The following CACNA1A variants were observed in gnomAD, a reference collection of about 807,000 sequenced individuals.
The protein encoded by CACNA1A is voltage-dependent P/Q-type calcium channel subunit alpha-1A.
CACNA1A carries 57 observed loss-of-function variants against 262.4 expected under a neutral mutation model. That is an observed-to-expected ratio of 0.22 (90% CI 0.18 to 0.27). The LOEUF (loss-of-function observed/expected upper bound fraction) is 0.27, where lower values mean the gene tolerates loss of function less well. Among genes scored for constraint, CACNA1A ranks in the 10% least tolerant of loss-of-function variants. The pLI, the probability that CACNA1A is intolerant of heterozygous loss-of-function variation, is 1.00. For missense variants in CACNA1A, 2,526 were observed against 3,562.8 expected, an observed-to-expected ratio of 0.71 and a Z score of 7.41; for synonymous variants, 1,431 against 1,419.3, an observed-to-expected ratio of 1.01 and a Z score of -0.18.
intron 10 of CACNA1A, among the ~76,000 whole-genome samples, chr19:13,323,138 A>G (rs2058288901): frequency 6.6e-6 from 1 of 152,100 alleles, no homozygotes; most frequent in African/African-American, 2.4e-5. Flanking sequence ...GTGTGCCTGT[A>G]ATTTCAGTTA....
chr19:13,224,530 A>G, intron 38 of CACNA1A, 137 bp downstream of exon 38: 1 of 644,924 alleles, frequency 1.6e-6, no homozygotes, highest in Non-Finnish European at 2.7e-6. Context: ...ACCCCAAAAA[A>G]CCCTGTGGAA....
intron 24 of CACNA1A, among the ~76,000 whole-genome samples, chr19:13,267,329 G>A (rs1221771152): frequency 6.6e-6 from 1 of 152,168 alleles, no homozygotes; most frequent in Non-Finnish European, 1.5e-5. Flanking sequence ...GGAGCCTCAG[G>A]CTCATGGCGC....
intron 31 of CACNA1A, among the ~76,000 whole-genome samples, chr19:13,240,610 A>G (rs886699920): frequency 7.1e-6 from 1 of 141,058 alleles, no homozygotes; most frequent in South Asian, 2.3e-4. Flanking sequence ...GTGCGCAGTG[A>G]TTGTGTGTGT....
At chr19:13,481,938 G>T (rs1048318907) in intron 1 of CACNA1A, among the ~76,000 whole-genome samples, 9 of 152,058 alleles carry the variant, frequency 5.9e-5, no homozygotes. Flanking sequence ...CAGACTGCCT[G>T]CAGAGACCCC....
intron 3 of CACNA1A, among the ~76,000 whole-genome samples, chr19:13,435,859 C>G (rs1412699353): frequency 2.0e-5 from 3 of 152,108 alleles, no homozygotes; most frequent in African/African-American, 7.2e-5. Context: ...GAGTCTCACT[C>G]TGTCATCCAG....
chr19:13,336,455 G>A (rs138893011), intron 6 of CACNA1A, among the ~76,000 whole-genome samples: 1 of 151,894 alleles, frequency 6.6e-6, no homozygotes, highest in Non-Finnish European at 1.5e-5. Flanking sequence ...CAATTTTCAA[G>A]AGGAAAAAAG....
At chr19:13,417,750 C>T (rs1350457630) in intron 3 of CACNA1A, among the ~76,000 whole-genome samples, 5 of 151,812 alleles carry the variant, frequency 3.3e-5, no homozygotes, top group Admixed American at 6.6e-5. Context: ...ATTAGCTGGG[C>T]GTGGTGGTGT....
In CACNA1A at chr19:13,299,305, C is replaced by T. The variant is rs754796882; in HGVS notation, c.2328G>A (p.Gln776=). ...NQKPAKSVWE[Q]RTSEMRKQNL... is the part of the protein sequence containing the mutation. ...TCTGCTTTCGCATCTCACTGGTCCGCTGCTCCCACACGGACTTGGCTGGCT... is the reference window on the plus strand; with the variant it reads ...TCTGCTTTCGCATCTCACTGGTCCGTTGCTCCCACACGGACTTGGCTGGCT... The change falls in exon 19 of 47, where the codon CAG becomes CAA. Residue 776 remains glutamine, a synonymous_variant. Coordinates refer to ENST00000360228, the MANE Select transcript of CACNA1A (RefSeq NM_001127222.2). 1.8e-5 allele frequency: 29 copies of T among 1,601,774 alleles called. No individual in the cohort carries two copies. The highest frequency in any genetic ancestry group is 2.5e-5 in the Non-Finnish European group (29 of 1,179,830).
At chr19:13,322,202 GAA>G (rs368879293) in intron 10 of CACNA1A, among the ~76,000 whole-genome samples, 5 of 90,068 alleles carry the variant, frequency 5.6e-5, no homozygotes, top group Admixed American at 1.2e-4. Flanking sequence ...ACTTGTCTCA[GAA>G]AAAAAAAAAA....
At chr19:13,457,428 T>C (rs1007797972) in intron 1 of CACNA1A, among the ~76,000 whole-genome samples, 1 of 152,134 alleles carries the variant, frequency 6.6e-6, no homozygotes, top group Non-Finnish European at 1.5e-5. Flanking sequence ...CGAACACTCA[T>C]ACACAAATAT....
At chr19:13,281,403 G>C (rs1022695098) in intron 22 of CACNA1A, among the ~76,000 whole-genome samples, 29 of 146,480 alleles carry the variant, frequency 2.0e-4, no homozygotes, top group African/African-American at 7.3e-4. Context: ...AAAAAAGCCT[G>C]TGCAGGTGGG....
intron 3 of CACNA1A, among the ~76,000 whole-genome samples, chr19:13,420,901 C>T (rs2060306169): frequency 6.6e-6 from 1 of 152,110 alleles, no homozygotes. Flanking sequence ...CTCCCCCATC[C>T]CCCACCATCT....
intron 3 of CACNA1A, among the ~76,000 whole-genome samples, chr19:13,414,936 C>G (rs2060195527): frequency 1.3e-5 from 2 of 152,078 alleles, no homozygotes; most frequent in South Asian, 4.2e-4. Context: ...GCACTCGAGC[C>G]TGGGTGAAAA....
intron 26 of CACNA1A, chr19:13,261,233 A>G (rs2056727600): frequency 6.2e-6 from 3 of 486,644 alleles, no homozygotes; most frequent in Admixed American, 7.2e-5. Flanking sequence ...TGAAAGGTCA[A>G]TCAATTTGCT....
chr19:13,212,553 TG>T lies in CACNA1A; in HGVS notation c.6051-32del, dbSNP rs749444503. The T allele has an allele frequency of 6.5e-7, 1 of 1,533,622 alleles. No individual in the cohort carries two copies. The highest frequency in any genetic ancestry group is 8.8e-7 in the Non-Finnish European group (1 of 1,134,588). Reference sequence around the variant, plus strand: ...TGGGGGACAGAGGCCGGGGTAGCAGTGGGCGCTTGGGCAGCTTCCAGAACGT... The same window carrying T: ...TGGGGGACAGAGGCCGGGGTAGCAGTGGCGCTTGGGCAGCTTCCAGAACGT... On this transcript the variant is annotated intron_variant, in intron 41 of 46. Coordinates refer to ENST00000360228, the MANE Select transcript of CACNA1A (RefSeq NM_001127222.2). This position sits in a 1 kb window ranked among gnomAD's most constrained non-coding sequence, Gnocchi z 5.6.
intron 31 of CACNA1A, among the ~76,000 whole-genome samples, chr19:13,239,822 A>G (rs1007633507): frequency 3.3e-5 from 5 of 151,990 alleles, no homozygotes; most frequent in Non-Finnish European, 1.5e-5. Context: ...TGCATGCATG[A>G]CTGTATGTGA....
At chr19:13,253,710 C>G (rs1169039426) in intron 29 of CACNA1A, among the ~76,000 whole-genome samples, 1 of 151,716 alleles carries the variant, frequency 6.6e-6, no homozygotes, top group African/African-American at 2.4e-5. Context: ...TCCCAAAGTG[C>G]TGGGATTACA....
rs1009589065 is a variant in CACNA1A, at chr19:13,209,216, C to T, written c.6526+96G>A. 59 of 1,380,474 alleles carry T rather than the reference C, an allele frequency of 4.3e-5. 1 individual carries two copies. In the African/African-American group the frequency reaches 7.4e-4, roughly 17 times the overall value. The allele number at this position is 1,380,474 out of a possible 1,614,324, so 85.5% of individuals were successfully genotyped here. A position where few individuals can be genotyped will look rare whatever the true frequency, so the allele number is the denominator to read the frequency against. On this transcript the variant is annotated intron_variant, in intron 45 of 46. Coordinates refer to ENST00000360228, the MANE Select transcript of CACNA1A (RefSeq NM_001127222.2). ...CTGTCCCCTCTCCATGGAGGCCTCT[C>T]CCTTTCTTCTTCCTTAGTGTCTCCT...
intron 6 of CACNA1A, among the ~76,000 whole-genome samples, chr19:13,357,214 G>A (rs546888883): frequency 6.6e-6 from 1 of 152,268 alleles, no homozygotes; most frequent in South Asian, 2.1e-4. Flanking sequence ...TATGCCGGAG[G>A]TTGCAATTTT....
Sources: allele counts gnomAD v4.1 joint callset (sites outside exome capture counted in the v4.1 genomes callset), GRCh38; gene constraint gnomAD v4.1.1; non-coding constraint Gnocchi (gnomAD v3.1); transcripts MANE v1.5; gene names NCBI Gene and HGNC (gene_info 2026-07-23, HGNC 2026-07-21).